Variants in ZNF469 observed in about 807,000 individuals in gnomAD.
ZNF469 encodes zinc finger protein 469.
Under a neutral mutation model 1.0 loss-of-function variants are expected in ZNF469, and 1 was observed. The observed-to-expected ratio is 1.00, with a 90% CI of 0.35 to 4.73. The LOEUF is 4.73. Ranked by LOEUF, ZNF469 falls within the 30% of genes most tolerant of loss-of-function variation. ZNF469 has a pLI of 0.16. For synonymous variants in ZNF469, 2,703 were observed against 2,363.4 expected (o/e 1.14, Z -4.17); for missense variants, 6,100 against 5,356.3 (o/e 1.14, Z -4.33).
At chr16:88,108,413 C>T in the ZNF469 span, among the ~76,000 whole-genome samples, 9 of 152,310 alleles carry the variant, frequency 5.9e-5, no homozygotes, top group Non-Finnish European at 8.8e-5. Flanking sequence ...TCACACCCGA[C>T]GTCTCCTGGG....
intron 1 of ZNF469, among the ~76,000 whole-genome samples, chr16:88,405,757 C>T (rs969381294): frequency 3.3e-5 from 5 of 152,192 alleles, no homozygotes; most frequent in Non-Finnish European, 5.9e-5. Context: ...GGGGCCACAG[C>T]GTCTGTCCCG....
At chr16:88,102,755 G>A in the ZNF469 span, among the ~76,000 whole-genome samples, 5 of 152,242 alleles carry the variant, frequency 3.3e-5, no homozygotes, top group African/African-American at 1.2e-4. Flanking sequence ...CCCTCCCTGG[G>A]GTAGGTGGGG....
At chr16:88,219,254 T>A in the ZNF469 span, among the ~76,000 whole-genome samples, 1,866 of 145,828 alleles carry the variant, frequency 0.013, 32 homozygotes, top group African/African-American at 0.039. Context: ...TCCTCACAGA[T>A]TTGGAAAAAA....
intron 1 of ZNF469, among the ~76,000 whole-genome samples, chr16:88,397,818 C>G (rs1904735466): frequency 6.6e-6 from 1 of 152,206 alleles, no homozygotes; most frequent in Non-Finnish European, 1.5e-5. Flanking sequence ...TGGATGGCCT[C>G]TGACTCCCTG....
the ZNF469 span, among the ~76,000 whole-genome samples, chr16:88,247,075 G>C: frequency 2.0e-5 from 3 of 151,206 alleles, no homozygotes; most frequent in Non-Finnish European, 4.4e-5. Flanking sequence ...GAGTGACTGA[G>C]TGAGTGAATG....
At chr16:88,256,522 T>C in the ZNF469 span, among the ~76,000 whole-genome samples, 3 of 152,260 alleles carry the variant, frequency 2.0e-5, no homozygotes. Context: ...CGTCTGTGTG[T>C]AGGTTTTTAT....
At chr16:88,363,590 C>T in the ZNF469 span, among the ~76,000 whole-genome samples, 1 of 152,328 alleles carries the variant, frequency 6.6e-6, no homozygotes, top group African/African-American at 2.4e-5. Context: ...TATTTAAGAT[C>T]TCCTCTCCTC....
the ZNF469 span, among the ~76,000 whole-genome samples, chr16:88,135,757 T>A: frequency 0.023 from 2,981 of 127,852 alleles, 480 homozygotes; most frequent in African/African-American, 0.089. Context: ...TGTTTTTTTT[T>A]TTTTTTTTTT....
the ZNF469 span, among the ~76,000 whole-genome samples, chr16:88,350,980 G>A: frequency 1.3e-5 from 2 of 152,270 alleles, no homozygotes; most frequent in Non-Finnish European, 2.9e-5. Context: ...ATAAATGTGT[G>A]TTCCAAGCCT....
chr16:88,356,862 G>C, the ZNF469 span, among the ~76,000 whole-genome samples: 3 of 152,214 alleles, frequency 2.0e-5, no homozygotes, highest in African/African-American at 7.2e-5. Flanking sequence ...CACCAGGCCA[G>C]GGTCCGCAGA....
chr16:88,340,511 G>A, the ZNF469 span, among the ~76,000 whole-genome samples: 1 of 152,220 alleles, frequency 6.6e-6, no homozygotes, highest in Admixed American at 6.5e-5. Context: ...CAGGTGTCAT[G>A]GGTCAGGCCC....
chr16:88,200,022 C>A, the ZNF469 span, among the ~76,000 whole-genome samples: 2 of 152,178 alleles, frequency 1.3e-5, no homozygotes, highest in Admixed American at 6.5e-5. Context: ...TCGCCAAATG[C>A]CTCCCGCTCC....
At chr16:88,388,355 G>T (rs1273301897) in intron 1 of ZNF469, among the ~76,000 whole-genome samples, 1 of 152,238 alleles carries the variant, frequency 6.6e-6, no homozygotes, top group African/African-American at 2.4e-5. Context: ...CCCAGCCAGC[G>T]GCCAAACAGA....
chr16:88,219,290 A>G, the ZNF469 span, among the ~76,000 whole-genome samples: 1 of 149,510 alleles, frequency 6.7e-6, no homozygotes, highest in Non-Finnish European at 1.5e-5. Flanking sequence ...TATGGAATCA[A>G]AAAAGAGCCC....
At chr16:88,171,014 C>A in the ZNF469 span, among the ~76,000 whole-genome samples, 210 of 152,198 alleles carry the variant, frequency 1.4e-3, no homozygotes, top group African/African-American at 5.0e-3. Context: ...CCTAGGACAA[C>A]CTCTAGGAGG....
chr16:88,139,284 T>C, the ZNF469 span, among the ~76,000 whole-genome samples: 47 of 145,716 alleles, frequency 3.2e-4, no homozygotes, highest in East Asian at 6.5e-4. Context: ...GGCCTGGGGA[T>C]GTGATGAGGA....
chr16:88,373,430 G>C, the ZNF469 span, among the ~76,000 whole-genome samples: 2 of 152,178 alleles, frequency 1.3e-5, no homozygotes, highest in African/African-American at 4.8e-5. Flanking sequence ...CAGCTGGGCT[G>C]TCCCTGTGTG....
the ZNF469 span, among the ~76,000 whole-genome samples, chr16:88,368,279 C>T: frequency 2.5e-3 from 387 of 152,286 alleles, 1 homozygote; most frequent in African/African-American, 8.9e-3. Flanking sequence ...CTGAGGAGGG[C>T]GTAAGAGCTA....
chr16:88,384,158 C>T (rs1334629394), intron 1 of ZNF469, among the ~76,000 whole-genome samples: 1 of 152,238 alleles, frequency 6.6e-6, no homozygotes. Flanking sequence ...TTAATCCTTA[C>T]GTCCTGAGAT....
Sources: allele counts gnomAD v4.1 joint callset (sites outside exome capture counted in the v4.1 genomes callset), GRCh38; gene constraint gnomAD v4.1.1; transcripts MANE v1.5; gene names NCBI Gene and HGNC (gene_info 2026-07-23, HGNC 2026-07-21).